CUX2: variants seen among roughly 807,000 people sequenced by gnomAD.
CUX2 encodes homeobox protein cut-like 2.
A neutral mutation model predicts 144.8 loss-of-function variants in CUX2; 40 were observed. The observed-to-expected ratio is 0.28, with a 90% CI of 0.21 to 0.36. The LOEUF (loss-of-function observed/expected upper bound fraction) is 0.36. Ranked by LOEUF, CUX2 falls within the 10% of genes least tolerant of loss-of-function variation. The probability of loss-of-function intolerance (pLI) is 1.00; values close to 1 mark genes in which losing one functional copy is unlikely to be tolerated. For synonymous variants in CUX2, 827 were observed against 875.6 expected (o/e 0.94, Z 0.98); for missense variants, 1,615 against 1,994.0 (o/e 0.81, Z 3.62).
chr12:111,270,983 A>G (rs911302649), intron 4 of CUX2, among the ~76,000 whole-genome samples: 4 of 152,148 alleles, frequency 2.6e-5, no homozygotes, highest in Non-Finnish European at 5.9e-5. Flanking sequence ...ATAGTAATAG[A>G]ACCTACTCAG....
At chr12:111,290,519 C>T (rs1033518754) in intron 4 of CUX2, among the ~76,000 whole-genome samples, 1 of 151,970 alleles carries the variant, frequency 6.6e-6, no homozygotes, top group African/African-American at 2.4e-5. Context: ...CCTCTGCCTC[C>T]CTGGTTCAAG....
intron 7 of CUX2, among the ~76,000 whole-genome samples, chr12:111,296,246 A>T (rs901961272): frequency 5.9e-5 from 9 of 151,856 alleles, no homozygotes; most frequent in Admixed American, 3.3e-4. Context: ...TCTGCCCCGC[A>T]CTGCCCACCC....
chr12:111,226,005 G>A (rs572358028), intron 3 of CUX2, among the ~76,000 whole-genome samples: 62 of 152,278 alleles, frequency 4.1e-4, no homozygotes, highest in Middle Eastern at 6.8e-3. Context: ...GTGCAGCAGC[G>A]CAATCTCAGC....
In CUX2 at chr12:111,037,382, G is replaced by A. The variant is rs1287878060; in HGVS notation, c.63+3142G>A. ...GTACCAGCCCGGTGTCCAGCCCTCC[G>A]GAAACGTATATTTTTCAAAAATGGA... On this transcript the variant is annotated intron_variant, in intron 1 of 21. Transcript: ENST00000261726. This position sits in a 1 kb window ranked among gnomAD's most constrained non-coding sequence, Gnocchi z 5.4. 1.3e-5 allele frequency among the ~76,000 whole-genome samples: 2 copies of A among 152,178 alleles called. No homozygotes were observed. The highest frequency in any genetic ancestry group is 4.8e-5 in the African/African-American group (2 of 41,436).
chr12:111,172,249 G>A (rs1055981805), intron 1 of CUX2, among the ~76,000 whole-genome samples: 8 of 152,160 alleles, frequency 5.3e-5, no homozygotes, highest in East Asian at 3.8e-4. Context: ...TCAGAGAGAC[G>A]CAGAGCATCT....
intron 1 of CUX2, among the ~76,000 whole-genome samples, chr12:111,088,352 G>A (rs79178112): frequency 0.013 from 1,930 of 152,104 alleles, 43 homozygotes; most frequent in African/African-American, 0.044. Context: ...TCAGCCTCCC[G>A]AAGCACTAGG....
intron 1 of CUX2, among the ~76,000 whole-genome samples, chr12:111,153,970 C>T (rs372992574): frequency 2.0e-5 from 3 of 152,160 alleles, no homozygotes; most frequent in Admixed American, 6.5e-5. Flanking sequence ...TTCTGTGTTT[C>T]TGGGCCCCAA....
At chr12:111,250,920 A>G (rs528399738) in intron 3 of CUX2, among the ~76,000 whole-genome samples, 8 of 152,324 alleles carry the variant, frequency 5.3e-5, no homozygotes, top group Admixed American at 4.6e-4. Flanking sequence ...GGCAGGAAAC[A>G]TAACTTCTGC....
At position 111,057,136 on chromosome 12, in the gene CUX2, T is replaced by C. The variant is rs1323378570; in HGVS notation, c.63+22896T>C. On this transcript the variant is annotated intron_variant, in intron 1 of 21. Coordinates refer to ENST00000261726, the MANE Select transcript of CUX2 (RefSeq NM_015267.4). The surrounding 1 kb of genome is among the most constrained non-coding windows in gnomAD (Gnocchi z 5.1). ...GAAAATGGCCAAGCTGCAATGGTTGTGACGGGAGGTTGTGTGACGAGAGTG... is the reference window on the plus strand; with the variant it reads ...GAAAATGGCCAAGCTGCAATGGTTGCGACGGGAGGTTGTGTGACGAGAGTG... Among the ~76,000 whole-genome samples the C allele has an allele frequency of 1.3e-5, 2 of 151,752 alleles. No individual in the cohort carries two copies. Among genetic ancestry groups the C allele is most frequent in the Admixed American group, 1.3e-4 (2 of 15,228 alleles).
rs367807218 is a variant in CUX2, at chr12:111,180,880, G to A, written c.64-33320G>A. Among the ~76,000 whole-genome samples the A allele has an allele frequency of 7.2e-5, 11 of 152,302 alleles. 1 individual carries two copies. In the South Asian group the frequency reaches 1.2e-3, roughly 17 times the overall value. On this transcript the variant is annotated intron_variant, in intron 1 of 21. Coordinates refer to ENST00000261726, the MANE Select transcript of CUX2 (RefSeq NM_015267.4). ...ACCCTTTCTGTAAAAATAACCTCCCGGGCTCCTCCTTTATGGGTGAGGGAA... is the reference window on the plus strand; with the variant it reads ...ACCCTTTCTGTAAAAATAACCTCCCAGGCTCCTCCTTTATGGGTGAGGGAA...
chr12:111,113,226 C>G (rs1874088459), intron 1 of CUX2, among the ~76,000 whole-genome samples: 1 of 152,152 alleles, frequency 6.6e-6, no homozygotes, highest in African/African-American at 2.4e-5. Flanking sequence ...CCATCTGACT[C>G]AGAACTTGTG....
chr12:111,072,531 C>A (rs1034641335), intron 1 of CUX2, among the ~76,000 whole-genome samples: 2 of 152,140 alleles, frequency 1.3e-5, no homozygotes, highest in Admixed American at 1.3e-4. Flanking sequence ...TGGCAAACTC[C>A]CATGAGCTTA....
chr12:111,173,952 C>T (rs1177919745), intron 1 of CUX2, among the ~76,000 whole-genome samples: 2 of 152,162 alleles, frequency 1.3e-5, no homozygotes, highest in Non-Finnish European at 2.9e-5. Context: ...ACTGCACGTA[C>T]AAAGGTCCTG....
chr12:111,106,376 C>G (rs1287192876), intron 1 of CUX2, among the ~76,000 whole-genome samples: 1 of 152,192 alleles, frequency 6.6e-6, no homozygotes, highest in Non-Finnish European at 1.5e-5. Flanking sequence ...AGGCTGGTCT[C>G]AAACCCCTGG....
chr12:111,347,031 A>T (rs770772900), intron 21 of CUX2, among the ~76,000 whole-genome samples: 1 of 152,194 alleles, frequency 6.6e-6, no homozygotes, highest in Non-Finnish European at 1.5e-5. Context: ...AGATAAAATT[A>T]ATCATAATCA....
At chr12:111,308,811 T>C (rs986690375) in intron 14 of CUX2, among the ~76,000 whole-genome samples, 1 of 152,064 alleles carries the variant, frequency 6.6e-6, no homozygotes, top group African/African-American at 2.4e-5. Flanking sequence ...CATGAAGTGG[T>C]CACAGGGGGA....
intron 1 of CUX2, among the ~76,000 whole-genome samples, chr12:111,200,522 G>A (rs1393509048): frequency 6.6e-6 from 1 of 151,998 alleles, no homozygotes; most frequent in Non-Finnish European, 1.5e-5. Flanking sequence ...AGTGCTGGGG[G>A]GAGGCTAGGA....
At chr12:111,329,148 G>GGA (rs950120103) in intron 18 of CUX2, among the ~76,000 whole-genome samples, 2 of 149,970 alleles carry the variant, frequency 1.3e-5, no homozygotes, top group East Asian at 3.9e-4. Flanking sequence ...TATCTCTCCA[G>GGA]GAGAGAGAGA....
intron 4 of CUX2, among the ~76,000 whole-genome samples, chr12:111,280,878 G>C (rs1483474648): frequency 6.6e-6 from 1 of 152,042 alleles, no homozygotes; most frequent in Non-Finnish European, 1.5e-5. Context: ...TTCCAAATAG[G>C]GTCACATTCT....
Sources: allele counts gnomAD v4.1 joint callset (sites outside exome capture counted in the v4.1 genomes callset), GRCh38; gene constraint gnomAD v4.1.1; non-coding constraint Gnocchi (gnomAD v3.1); transcripts MANE v1.5; gene names NCBI Gene and HGNC (gene_info 2026-07-23, HGNC 2026-07-21).